Variants in AGMO observed in about 807,000 individuals in gnomAD.
AGMO encodes alkylglycerol monooxygenase, also known as glyceryl-ether monooxygenase.
In AGMO, 75 loss-of-function variants were observed where a neutral mutation model predicts 60.2. The ratio of observed to expected loss-of-function variants is 1.25; its 90% confidence interval spans 1.03 to 1.51. AGMO has a LOEUF of 1.51. Among genes scored for constraint, AGMO ranks in the 40% most tolerant of loss-of-function variants. The pLI is 0.00. For synonymous variants in AGMO, 261 were observed against 177.1 expected, an observed-to-expected ratio of 1.47 and a Z score of -3.76; for missense variants, 763 against 525.5, an observed-to-expected ratio of 1.45 and a Z score of -4.42.
At chr7:15,188,902 A>G in the AGMO span, among the ~76,000 whole-genome samples, 2 of 152,172 alleles carry the variant, frequency 1.3e-5, no homozygotes, top group African/African-American at 2.4e-5. Flanking sequence ...TGAGGGTGAA[A>G]GCAAAACCAG....
At chr7:15,168,551 G>A in the AGMO span, among the ~76,000 whole-genome samples, 1 of 152,188 alleles carries the variant, frequency 6.6e-6, no homozygotes, top group Non-Finnish European at 1.5e-5. Context: ...CTTGTCCACA[G>A]ACCTGTGTAT....
intron 3 of AGMO, among the ~76,000 whole-genome samples, chr7:15,540,478 T>A (rs1009931452): frequency 3.3e-5 from 5 of 152,196 alleles, no homozygotes; most frequent in African/African-American, 1.2e-4. Context: ...GCAAGGTCTC[T>A]TTCTCATGTT....
At chr7:15,286,137 G>GAAA (rs1784090692) in intron 12 of AGMO, among the ~76,000 whole-genome samples, 1 of 151,834 alleles carries the variant, frequency 6.6e-6, no homozygotes, top group Non-Finnish European at 1.5e-5. Flanking sequence ...AAATAGCCTA[G>GAAA]AAAAAAGCTC....
chr7:15,526,647 T>A (rs1784135833), intron 3 of AGMO, among the ~76,000 whole-genome samples: 1 of 152,190 alleles, frequency 6.6e-6, no homozygotes. Flanking sequence ...AGAATAAACC[T>A]ATTTTAAATA....
At chr7:15,286,592 A>T (rs1784107596) in intron 12 of AGMO, among the ~76,000 whole-genome samples, 1 of 152,070 alleles carries the variant, frequency 6.6e-6, no homozygotes, top group Non-Finnish European at 1.5e-5. Context: ...TTGTGCAGGT[A>T]TGGTGAAAGG....
chr7:15,396,543 C>G (rs941715817), intron 5 of AGMO: 1 of 152,258 alleles, frequency 6.6e-6, no homozygotes, highest in Non-Finnish European at 1.5e-5. Context: ...AAGAACAAAG[C>G]TACCACAACG....
the AGMO span, among the ~76,000 whole-genome samples, chr7:15,134,867 T>C: frequency 6.6e-6 from 1 of 152,146 alleles, no homozygotes; most frequent in Non-Finnish European, 1.5e-5. Context: ...AATGGCAATT[T>C]AACTAGGGAA....
At chr7:15,487,030 A>C (rs2128519637) in intron 3 of AGMO, among the ~76,000 whole-genome samples, 1 of 152,330 alleles carries the variant, frequency 6.6e-6, no homozygotes, top group Non-Finnish European at 1.5e-5. Flanking sequence ...AAACATTCAG[A>C]TTGAGTAGAT....
At chr7:15,550,586 T>G (rs1324304522) in intron 2 of AGMO, among the ~76,000 whole-genome samples, 1 of 151,528 alleles carries the variant, frequency 6.6e-6, no homozygotes, top group Non-Finnish European at 1.5e-5. Flanking sequence ...ATAAATTCCT[T>G]GACACATACA....
the AGMO span, among the ~76,000 whole-genome samples, chr7:15,188,640 T>C: frequency 6.6e-6 from 1 of 152,192 alleles, no homozygotes; most frequent in Non-Finnish European, 1.5e-5. Flanking sequence ...CACTGGGCTC[T>C]ACATCCTGAG....
chr7:15,438,583 G>A (rs1349182017), intron 3 of AGMO, among the ~76,000 whole-genome samples: 3 of 152,096 alleles, frequency 2.0e-5, no homozygotes, highest in African/African-American at 7.2e-5. Context: ...ATAATAACAT[G>A]TTTTACTTTG....
At chr7:15,162,115 C>T in the AGMO span, among the ~76,000 whole-genome samples, 1 of 152,022 alleles carries the variant, frequency 6.6e-6, no homozygotes, top group African/African-American at 2.4e-5. Flanking sequence ...TTCCCCTGTG[C>T]TTTGGCTCTC....
At chr7:15,337,180 A>G (rs1209535077) in intron 12 of AGMO, among the ~76,000 whole-genome samples, 13 of 152,174 alleles carry the variant, frequency 8.5e-5, no homozygotes, top group Admixed American at 7.2e-4. Flanking sequence ...CAGGCTTTCT[A>G]AAGTTTGGAG....
At chr7:15,128,230 T>C in the AGMO span, among the ~76,000 whole-genome samples, 1 of 152,056 alleles carries the variant, frequency 6.6e-6, no homozygotes, top group African/African-American at 2.4e-5. Flanking sequence ...TAGACGTGCT[T>C]GGTTTCCCAG....
chr7:15,381,633 G>A (rs1322816017), intron 10 of AGMO, among the ~76,000 whole-genome samples: 1 of 151,876 alleles, frequency 6.6e-6, no homozygotes, highest in African/African-American at 2.4e-5. Context: ...CAAAGACAAA[G>A]ACAGGAATAC....
rs188178863 is a variant in AGMO, at chr7:15,469,066, A to G, written c.410-37958T>C. Among the ~76,000 whole-genome samples, 12 of 152,174 alleles carry G rather than the reference A, an allele frequency of 7.9e-5. No homozygotes were observed. The East Asian group carries it at 1.7e-3, about 22-fold the overall frequency. ...TAGGAAGTAAGATTTTTAATGTGGG[A>G]ATGTACGGGTTGTTTTCGTTGCATG... is the stretch of plus-strand genomic sequence containing the variant. On this transcript the variant is annotated intron_variant, in intron 3 of 12. Transcript: ENST00000342526.
chr7:15,514,618 C>T (rs867558375), intron 3 of AGMO, among the ~76,000 whole-genome samples: 3 of 151,866 alleles, frequency 2.0e-5, no homozygotes, highest in Admixed American at 6.6e-5. Flanking sequence ...TAAAGAAATG[C>T]CTTAAGAGAG....
chr7:15,219,492 A>C (rs1781849200), intron 12 of AGMO, among the ~76,000 whole-genome samples: 2 of 150,544 alleles, frequency 1.3e-5, no homozygotes, highest in African/African-American at 2.5e-5. Flanking sequence ...AAAAAAAGAC[A>C]ATTTTTTTTT....
intron 12 of AGMO, among the ~76,000 whole-genome samples, chr7:15,209,673 C>A (rs1448960680): frequency 6.6e-6 from 1 of 152,090 alleles, no homozygotes; most frequent in African/African-American, 2.4e-5. Context: ...AGTCTCAAGT[C>A]ATAAACTGCA....
Sources: allele counts gnomAD v4.1 joint callset (sites outside exome capture counted in the v4.1 genomes callset), GRCh38; gene constraint gnomAD v4.1.1; transcripts MANE v1.5; gene names NCBI Gene and HGNC (gene_info 2026-07-23, HGNC 2026-07-21).